Variants in UNC5C observed in about 807,000 individuals in gnomAD.
The protein encoded by UNC5C is netrin receptor UNC5C.
UNC5C carries 47 observed loss-of-function variants against 99.8 expected under a neutral mutation model. That is an observed-to-expected ratio of 0.47 (90% CI 0.37 to 0.60). The LOEUF (loss-of-function observed/expected upper bound fraction) is 0.60, where lower values mean the gene tolerates loss of function less well. UNC5C is among the 20% of genes least tolerant of loss of function. The pLI is 0.00. For synonymous variants in UNC5C, 487 were observed against 452.2 expected, an observed-to-expected ratio of 1.08 and a Z score of -0.98; for missense variants, 1,062 against 1,165.9, an observed-to-expected ratio of 0.91 and a Z score of 1.30.
intron 1 of UNC5C, among the ~76,000 whole-genome samples, chr4:95,394,288 G>A (rs533697910): frequency 1.7e-4 from 25 of 149,894 alleles, no homozygotes; most frequent in Admixed American, 2.0e-4. Flanking sequence ...TCCCACTAAC[G>A]CAAGTTTTGA....
At chr4:95,361,384 G>C (rs1393139247) in intron 1 of UNC5C, among the ~76,000 whole-genome samples, 1 of 152,108 alleles carries the variant, frequency 6.6e-6, no homozygotes, top group East Asian at 1.9e-4. Context: ...AAGTTCTTGT[G>C]AAATCATTAT....
At chr4:95,386,794 C>T (rs1327718868) in intron 1 of UNC5C, among the ~76,000 whole-genome samples, 1 of 152,154 alleles carries the variant, frequency 6.6e-6, no homozygotes. Context: ...CAAAAAAAGC[C>T]CGAGTCTTGT....
chr4:95,492,544 C>T (rs1044098990), intron 1 of UNC5C, among the ~76,000 whole-genome samples: 2 of 151,058 alleles, frequency 1.3e-5, no homozygotes, highest in African/African-American at 2.4e-5. Flanking sequence ...CTTTATGTTA[C>T]CTTATGCATT....
At chr4:95,196,224 C>T (rs1579220558) in intron 12 of UNC5C, among the ~76,000 whole-genome samples, 2 of 152,204 alleles carry the variant, frequency 1.3e-5, no homozygotes, top group South Asian at 2.1e-4. Flanking sequence ...TAAGTCATTG[C>T]AAATAATGAA....
At chr4:95,353,930 T>A (rs1221190473) in intron 1 of UNC5C, among the ~76,000 whole-genome samples, 1 of 152,102 alleles carries the variant, frequency 6.6e-6, no homozygotes, top group African/African-American at 2.4e-5. Flanking sequence ...GATTTGTTAA[T>A]AATACACATG....
chr4:95,437,049 A>G (rs922866656), intron 1 of UNC5C, among the ~76,000 whole-genome samples: 1 of 150,880 alleles, frequency 6.6e-6, no homozygotes, highest in Non-Finnish European at 1.5e-5. Context: ...CAACTTTCTC[A>G]CTGAGGAAAT....
intron 1 of UNC5C, among the ~76,000 whole-genome samples, chr4:95,540,331 G>T (rs1391549199): frequency 6.6e-6 from 1 of 152,088 alleles, no homozygotes; most frequent in Non-Finnish European, 1.5e-5. Flanking sequence ...CTCTATTCCG[G>T]ATAGCACAAA....
At chr4:95,347,876 A>G (rs1011569949) in intron 1 of UNC5C, among the ~76,000 whole-genome samples, 5 of 152,104 alleles carry the variant, frequency 3.3e-5, no homozygotes, top group Admixed American at 3.3e-4. Context: ...AATACCTTAC[A>G]AGCACAGGCA....
intron 14 of UNC5C, among the ~76,000 whole-genome samples, chr4:95,180,003 A>AG (rs1157907833): frequency 2.7e-5 from 3 of 112,494 alleles, no homozygotes; most frequent in African/African-American, 5.3e-5. Flanking sequence ...AATTGATGAC[A>AG]GACCCCCCCC....
At chr4:95,335,054 C>A (rs1384868) in intron 2 of UNC5C, among the ~76,000 whole-genome samples, 26,261 of 151,864 alleles carry the variant, frequency 0.17, 2,445 homozygotes, top group African/African-American at 0.21. Flanking sequence ...AAAAATGCTC[C>A]CCAGATCTCG....
chr4:95,388,851 C>A (rs578165024), intron 1 of UNC5C, among the ~76,000 whole-genome samples: 2 of 152,252 alleles, frequency 1.3e-5, no homozygotes, highest in African/African-American at 4.8e-5. Context: ...CTTTTAATTT[C>A]TTTGCTATAC....
chr4:95,331,792 T>A (rs1410639040), intron 2 of UNC5C, among the ~76,000 whole-genome samples: 2 of 152,170 alleles, frequency 1.3e-5, no homozygotes, highest in East Asian at 3.8e-4. Flanking sequence ...TATATGTGTA[T>A]ATGTGTGTGT....
chr4:95,296,100 A>T (rs1033470385), intron 3 of UNC5C, among the ~76,000 whole-genome samples: 6 of 152,174 alleles, frequency 3.9e-5, no homozygotes, highest in Non-Finnish European at 7.3e-5. Context: ...AATAACAAAA[A>T]CCAAAAACTA....
intron 2 of UNC5C, among the ~76,000 whole-genome samples, chr4:95,306,201 T>TTTTA (rs1490448435): frequency 6.6e-6 from 1 of 152,050 alleles, no homozygotes; most frequent in East Asian, 1.9e-4. Flanking sequence ...TTATTTTTAT[T>TTTTA]TTTATTTATT....
At chr4:95,491,182 A>G (rs1164508383) in intron 1 of UNC5C, among the ~76,000 whole-genome samples, 1 of 151,684 alleles carries the variant, frequency 6.6e-6, no homozygotes, top group Non-Finnish European at 1.5e-5. Context: ...TGCATGACAC[A>G]AGTAAGAAAA....
chr4:95,523,548 G>T (rs1384899805), intron 1 of UNC5C, among the ~76,000 whole-genome samples: 2 of 152,096 alleles, frequency 1.3e-5, no homozygotes, highest in Admixed American at 1.3e-4. Flanking sequence ...GTGAAAGAAT[G>T]CATGGCTGTA....
chr4:95,404,255 ACC>A (rs1177446882), intron 1 of UNC5C, among the ~76,000 whole-genome samples: 3 of 152,184 alleles, frequency 2.0e-5, no homozygotes, highest in African/African-American at 7.2e-5. Context: ...GGACAAAACT[ACC>A]CAAAGTATGT....
rs911683935 is a variant in UNC5C at position 95,162,917 on chromosome 4, G to C, written c.*6317C>G. 3 of 152,282 alleles carry C rather than the reference G, an allele frequency of 2.0e-5. No individual in the cohort carries two copies. The highest frequency in any genetic ancestry group is 6.5e-5 in the Admixed American group (1 of 15,294). 9.4% of individuals were successfully genotyped at this position (152,282 alleles called of 1,614,324 possible). On this transcript the variant is annotated 3_prime_UTR_variant, in exon 16 of 16. Transcript: ENST00000453304. ...ACTGTTCCAAAGGGGACAGTAGGTG[G>C]ATGACACTGCCTCTTCAACACGACT...
chr4:95,310,088 A>AG (rs1251205414), intron 2 of UNC5C, among the ~76,000 whole-genome samples: 2 of 152,162 alleles, frequency 1.3e-5, no homozygotes, highest in Non-Finnish European at 2.9e-5. Context: ...ACATATACAC[A>AG]GGGGAAAACG....
Sources: allele counts gnomAD v4.1 joint callset (sites outside exome capture counted in the v4.1 genomes callset), GRCh38; gene constraint gnomAD v4.1.1; transcripts MANE v1.5; gene names NCBI Gene and HGNC (gene_info 2026-07-23, HGNC 2026-07-21).